The following NFS1 variants were observed in gnomAD, a reference collection of about 807,000 sequenced individuals.
NFS1 encodes NFS1 cysteine desulfurase.
In NFS1, 26 loss-of-function variants were observed where a neutral mutation model predicts 57.3. The ratio of observed to expected loss-of-function variants is 0.45; its 90% confidence interval spans 0.33 to 0.63. The LOEUF (loss-of-function observed/expected upper bound fraction) is 0.63, where lower values mean the gene tolerates loss of function less well. NFS1 is among the 20% of genes least tolerant of loss of function. NFS1 has a pLI of 0.02. For missense variants in NFS1, 505 were observed against 605.8 expected (o/e 0.83, Z 1.75); for synonymous variants, 209 against 216.3 (o/e 0.97, Z 0.30).
chr20:35,684,922 C>G (rs1270179279), intron 5 of NFS1, among the ~76,000 whole-genome samples: 1 of 150,694 alleles, frequency 6.6e-6, no homozygotes, highest in Admixed American at 6.6e-5. Flanking sequence ...GAGTCTTGCT[C>G]TGTTTCCCAA....
In NFS1 at chr20:35,669,434, C is replaced by G; in HGVS notation, c.*188G>C. On this transcript the variant is annotated 3_prime_UTR_variant, in exon 13 of 13. Coordinates refer to ENST00000374092, the MANE Select transcript of NFS1 (RefSeq NM_021100.5). Reference sequence around the variant, plus strand: ...ACCCGAGAAGAAATGGGGAGTGCTCCACACCCAAGGAACTGAAGCTAGGGA... The same window carrying G: ...ACCCGAGAAGAAATGGGGAGTGCTCGACACCCAAGGAACTGAAGCTAGGGA... 1 of 590,006 alleles carries G rather than the reference C, an allele frequency of 1.7e-6. No homozygotes were observed. Among genetic ancestry groups the G allele is most frequent in the Non-Finnish European group, 3.1e-6 (1 of 323,842 alleles). The allele number at this position is 590,006 out of a possible 1,614,324, so 36.5% of individuals were successfully genotyped here.
At position 35,695,297 on chromosome 20, in the gene NFS1, C is replaced by T. The variant is rs183048074; in HGVS notation, c.408+1080G>A. On this transcript the variant is annotated intron_variant, in intron 4 of 12. Transcript: ENST00000374092. ...GCAGAGTGCTGATGACCCTGAAGCC[C>T]GTCCTAGGCCTCCTATATTCAGGCC... 2.0e-3 allele frequency among the ~76,000 whole-genome samples: 308 copies of T among 152,244 alleles called. 1 individual carries two copies. Among genetic ancestry groups the T allele is most frequent in the African/African-American group, 6.4e-3 (268 of 41,562 alleles).
chr20:35,684,406 T>C (rs2034903259), intron 5 of NFS1, among the ~76,000 whole-genome samples: 2 of 120,360 alleles, frequency 1.7e-5, no homozygotes, highest in African/African-American at 7.8e-5. Context: ...AGACTCCATC[T>C]CAAATAAATA....
intron 7 of NFS1, among the ~76,000 whole-genome samples, chr20:35,676,413 C>T (rs2034744892): frequency 6.6e-6 from 1 of 151,842 alleles, no homozygotes; most frequent in Non-Finnish European, 1.5e-5. Context: ...TGGTGAAACC[C>T]CGTAATTATT....
intron 7 of NFS1, among the ~76,000 whole-genome samples, chr20:35,679,626 C>T (rs1424929217): frequency 2.6e-5 from 4 of 152,104 alleles, no homozygotes; most frequent in African/African-American, 7.2e-5. Flanking sequence ...AAAGACAGAA[C>T]GCTTACTGGG....
At chr20:35,684,958 C>T (rs1427654818) in intron 5 of NFS1, among the ~76,000 whole-genome samples, 5 of 150,982 alleles carry the variant, frequency 3.3e-5, no homozygotes, top group African/African-American at 1.2e-4. Context: ...CGGGGTCTCA[C>T]TCACTGCAAC....
At chr20:35,687,582 G>A (rs915344742) in intron 5 of NFS1, among the ~76,000 whole-genome samples, 9 of 152,068 alleles carry the variant, frequency 5.9e-5, no homozygotes, top group East Asian at 3.9e-4. Flanking sequence ...GCTGGCATTC[G>A]GGGCCACTAC....
chr20:35,697,146 T>C (rs2035148921), intron 3 of NFS1, among the ~76,000 whole-genome samples: 1 of 148,820 alleles, frequency 6.7e-6, no homozygotes, highest in South Asian at 2.1e-4. Context: ...AATACAAAAA[T>C]ATTAGCTAGG....
At chr20:35,680,612 T>C (rs2034831182) in intron 7 of NFS1, 125 bp downstream of exon 7, 2 of 797,704 alleles carry the variant, frequency 2.5e-6, no homozygotes, top group Non-Finnish European at 3.6e-6. Flanking sequence ...ATTTGCATTC[T>C]ACAAGGGACT....
At chr20:35,678,925 T>A (rs970911618) in intron 7 of NFS1, among the ~76,000 whole-genome samples, 16 of 152,190 alleles carry the variant, frequency 1.1e-4, no homozygotes, top group Non-Finnish European at 1.8e-4. Flanking sequence ...TTTCTCCATT[T>A]AAAAAAATTC....
At position 35,668,393 on chromosome 20, in the gene NFS1, C is replaced by CT. The variant is rs1472213055; in HGVS notation, c.*1228dup. ...TTCTTAAAATATGCATAAATGTACTCTAACATACTATCTCCTTTTTTAAGT... is the reference window on the plus strand; with the variant it reads ...TTCTTAAAATATGCATAAATGTACTCTTAACATACTATCTCCTTTTTTAAGT... On this transcript the variant is annotated 3_prime_UTR_variant, in exon 13 of 13. Coordinates refer to ENST00000374092, the MANE Select transcript of NFS1 (RefSeq NM_021100.5). 2.6e-5 allele frequency: 4 copies of CT among 152,214 alleles called. No individual in the cohort carries two copies. Among genetic ancestry groups the CT allele is most frequent in the Non-Finnish European group, 4.4e-5 (3 of 68,026 alleles). The allele number at this position is 152,214 out of a possible 1,614,324, so 9.4% of individuals were successfully genotyped here. A position where few individuals can be genotyped will look rare whatever the true frequency, so the allele number is the denominator to read the frequency against.
At chr20:35,690,292 T>C in intron 5 of NFS1, 121 bp downstream of exon 5, 1 of 968,198 alleles carries the variant, frequency 1.0e-6, no homozygotes, top group Non-Finnish European at 1.6e-6. Context: ...CTTATTTCTC[T>C]AAACTTCATC....
intron 12 of NFS1, among the ~76,000 whole-genome samples, chr20:35,671,411 T>C (rs1167470030): frequency 2.0e-5 from 3 of 151,020 alleles, no homozygotes; most frequent in Middle Eastern, 3.4e-3. Flanking sequence ...ACAGAAAATA[T>C]ATTTTTAAAA....
chr20:35,698,589 A>C lies in NFS1; in HGVS notation c.99T>G (p.Val33=). 6.3e-7 allele frequency: 1 copy of C among 1,596,890 alleles called. No individual in the cohort carries two copies. Among genetic ancestry groups the C allele is most frequent in the Non-Finnish European group, 8.5e-7 (1 of 1,175,080 alleles). ...CCGCAGACTGAGGAGCACGGTCTCC[A>C]ACTGATAAAAAATGGAACGGAGTAG... The part of the protein sequence containing the change: ...AAPTRGLRLR[V]GDRAPQSAVP... The change falls in exon 2 of 13, where the codon GTT becomes GTG. Residue 33 remains valine (V), a splice_region_variant and synonymous_variant. Coordinates refer to ENST00000374092, the MANE Select transcript of NFS1 (RefSeq NM_021100.5).
rs56116518 is a variant in NFS1, at chr20:35,698,329, G to T, written c.207+152C>A. The stretch of plus-strand genomic sequence containing the variant: ...GTGAGTAGTAAAGCCAATGCCAGTG[G>T]CCTCGAATTTAAGCCTCCCGACTCC... On this transcript the variant is annotated intron_variant, in intron 2 of 12. Coordinates refer to ENST00000374092, the MANE Select transcript of NFS1 (RefSeq NM_021100.5). 64,778 of 627,432 alleles carry T rather than the reference G, an allele frequency of 0.1. 3,588 individuals carry two copies. The highest frequency in any genetic ancestry group is 0.15 in the South Asian group (7,667 of 49,770). 38.9% of individuals were successfully genotyped at this position (627,432 alleles called of 1,614,324 possible). A position where few individuals can be genotyped will look rare whatever the true frequency, so the allele number is the denominator to read the frequency against.
chr20:35,699,274 G>T lies in NFS1; in HGVS notation c.15C>A (p.Ala5=). Residue 5 remains alanine (A), a synonymous_variant, in exon 1 of 13, where the codon GCC becomes GCA. Coordinates refer to ENST00000374092, the MANE Select transcript of NFS1 (RefSeq NM_021100.5). This position sits in a 1 kb window ranked among gnomAD's most constrained non-coding sequence, Gnocchi z 4.4. MLLR[A]AWRRAAVAVT... is the part of the protein sequence containing the mutation. ...CCGCCACTGCCGCCCGCCTCCAAGC[G>T]GCTCGGAGCAGCATGGTCCCGCTGG... is the stretch of plus-strand genomic sequence containing the variant. The T allele has an allele frequency of 7.1e-7, 1 of 1,414,814 alleles. No individual in the cohort carries two copies. Among genetic ancestry groups the T allele is most frequent in the Non-Finnish European group, 9.1e-7 (1 of 1,094,192 alleles). 87.6% of individuals were successfully genotyped at this position (1,414,814 alleles called of 1,614,324 possible).
At chr20:35,689,595 C>T (rs1406708775) in intron 5 of NFS1, among the ~76,000 whole-genome samples, 2 of 151,810 alleles carry the variant, frequency 1.3e-5, no homozygotes, top group African/African-American at 2.4e-5. Context: ...GGTGAAACCC[C>T]GTCTCTACTA....
intron 4 of NFS1, chr20:35,692,410 A>G (rs1351402916): frequency 1.1e-5 from 2 of 176,720 alleles, no homozygotes; most frequent in Non-Finnish European, 2.3e-5. Flanking sequence ...AAAAAAAAAA[A>G]AGGGGGCTGG....
chr20:35,685,567 T>C (rs1317285101), intron 5 of NFS1, among the ~76,000 whole-genome samples: 1 of 145,248 alleles, frequency 6.9e-6, no homozygotes, highest in Non-Finnish European at 1.5e-5. Context: ...TTTATATATA[T>C]ATATATAGCA....
Sources: gnomAD v4.1 joint callset for allele counts (sites outside exome capture counted in the v4.1 genomes callset) on GRCh38, gnomAD v4.1.1 for gene constraint, Gnocchi (gnomAD v3.1) non-coding constraint, MANE v1.5 for transcripts, NCBI Gene and HGNC (gene_info 2026-07-23, HGNC 2026-07-21) for gene names.